The following ATP8B4 variants were observed in gnomAD, a reference collection of about 807,000 sequenced individuals.
ATP8B4 encodes the protein probable phospholipid-transporting ATPase IM.
A neutral mutation model predicts 145.6 loss-of-function variants in ATP8B4; 133 were observed. That is an observed-to-expected ratio of 0.91 (90% CI 0.79 to 1.05). ATP8B4 has a LOEUF of 1.05. Ranked by LOEUF, ATP8B4 falls within the 50% of genes least tolerant of loss-of-function variation. The pLI, the probability that ATP8B4 is intolerant of heterozygous loss-of-function variation, is 0.00. For missense variants in ATP8B4, 1,458 were observed against 1,425.2 expected, an observed-to-expected ratio of 1.02 and a Z score of -0.37; for synonymous variants, 507 against 492.9, an observed-to-expected ratio of 1.03 and a Z score of -0.38.
At chr15:50,021,860 G>C (rs143497473) in intron 6 of ATP8B4, among the ~76,000 whole-genome samples, 154 of 152,284 alleles carry the variant, frequency 1.0e-3, no homozygotes, top group African/African-American at 3.6e-3. Flanking sequence ...AGGAATATTT[G>C]AACAGATTAG....
At chr15:49,937,584 G>A (rs1002208317) in intron 14 of ATP8B4, among the ~76,000 whole-genome samples, 7 of 152,174 alleles carry the variant, frequency 4.6e-5, no homozygotes, top group Admixed American at 1.3e-4. Context: ...CTAGGTGATA[G>A]GGATTCAGAA....
At chr15:49,862,187 G>A in intron 27 of ATP8B4, 58 bp downstream of exon 27, 7 of 1,572,334 alleles carry the variant, frequency 4.5e-6, no homozygotes, top group South Asian at 3.5e-5. Context: ...GGCAGAAAAG[G>A]ACACCATTTC....
chr15:50,180,511 A>G (rs2044830388), intron 1 of ATP8B4, among the ~76,000 whole-genome samples: 1 of 152,108 alleles, frequency 6.6e-6, no homozygotes, highest in African/African-American at 2.4e-5. Flanking sequence ...GAAAAAGTGG[A>G]CCCTTGTGGT....
At chr15:50,020,024 C>T (rs890368198) in intron 6 of ATP8B4, among the ~76,000 whole-genome samples, 1 of 151,838 alleles carries the variant, frequency 6.6e-6, no homozygotes, top group Non-Finnish European at 1.5e-5. Context: ...ATGGCATGAT[C>T]TCTGCTTGCT....
chr15:49,896,755 G>A (rs1367838307), intron 23 of ATP8B4: 3 of 152,214 alleles, frequency 2.0e-5, no homozygotes, highest in South Asian at 2.1e-4. Flanking sequence ...TATAAGAAGC[G>A]ATATAAAAAT....
chr15:50,080,898 T>C (rs1042081196), intron 2 of ATP8B4, among the ~76,000 whole-genome samples: 1 of 151,930 alleles, frequency 6.6e-6, no homozygotes, highest in Non-Finnish European at 1.5e-5. Context: ...CGGATCATGA[T>C]GTCAGGAGAT....
chr15:50,035,630 T>C (rs1260171217), intron 6 of ATP8B4, among the ~76,000 whole-genome samples: 1 of 152,132 alleles, frequency 6.6e-6, no homozygotes, highest in East Asian at 1.9e-4. Context: ...AGTTGCTCAA[T>C]AAACGTGTTG....
intron 2 of ATP8B4, among the ~76,000 whole-genome samples, chr15:50,094,626 G>A (rs1043203535): frequency 4.1e-5 from 6 of 145,238 alleles, no homozygotes; most frequent in East Asian, 2.0e-4. Flanking sequence ...ACACATATAC[G>A]TGTATATATA....
chr15:50,003,498 G>C (rs147727289), intron 7 of ATP8B4, among the ~76,000 whole-genome samples: 3 of 152,032 alleles, frequency 2.0e-5, no homozygotes, highest in Non-Finnish European at 4.4e-5. Flanking sequence ...CATAAAGAAA[G>C]TGATGCCGCT....
intron 25 of ATP8B4, 97 bp downstream of exon 25, chr15:49,876,181 G>T: frequency 6.8e-7 from 1 of 1,476,198 alleles, no homozygotes. Context: ...ATTCCTTTAG[G>T]ATTATTTCCC....
At chr15:50,040,890 G>A (rs2051226969) in intron 5 of ATP8B4, among the ~76,000 whole-genome samples, 1 of 152,180 alleles carries the variant, frequency 6.6e-6, no homozygotes, top group Non-Finnish European at 1.5e-5. Context: ...CATTCATTGT[G>A]TACTCCCTGT....
At position 49,923,395 on chromosome 15, in the gene ATP8B4, G is replaced by A. The variant is rs1280658552; in HGVS notation, c.1742C>T (p.Thr581Met). 51 of 1,611,026 alleles carry A rather than the reference G, an allele frequency of 3.2e-5. No homozygotes were observed. Among genetic ancestry groups the A allele is most frequent in the Middle Eastern group, 1.7e-4 (1 of 6,056 alleles). Residue 581 changes from threonine to methionine, a missense_variant, in exon 17 of 28, where the codon ACG (threonine) becomes ATG (methionine). Thr to Met is a moderately conservative substitution (Grantham distance 81). Transcript: ENST00000284509. The part of the protein sequence containing the change: ...HPSNEVLLSL[T>M]SDHLSEFAGE... The stretch of plus-strand genomic sequence containing the variant: ...GGCACTTACACTGAGGTGGTCTGAC[G>A]TCAAAGACAAAAGGACTTCATTGGA...
intron 3 of ATP8B4, among the ~76,000 whole-genome samples, chr15:50,063,079 T>C (rs1425866551): frequency 1.3e-5 from 2 of 150,074 alleles, no homozygotes; most frequent in East Asian, 3.9e-4. Flanking sequence ...CTATAATAGA[T>C]GTCTTTAAAA....
chr15:49,897,349 A>T lies in ATP8B4; in HGVS notation c.2640T>A (p.Asn880Lys), dbSNP rs751800978. 3 of 1,613,822 alleles carry T rather than the reference A, an allele frequency of 1.9e-6. No homozygotes were observed. Among genetic ancestry groups the T allele is most frequent in the Non-Finnish European group, 1.7e-6 (2 of 1,179,892 alleles). The change falls in exon 23 of 28, where the codon AAT (asparagine) becomes AAA (lysine). Residue 880 changes from asparagine to lysine, a missense_variant. Asn to Lys is a moderately conservative substitution (Grantham distance 94). Transcript: ENST00000284509. ...CKFLCYFFYK[N>K]FAFTLVHFWF... ...AGAAATGCACAAGTGTAAATGCAAA[A>T]TTCTTATAGAAGAAATAGCATAAGA...
Position 49,985,674 on chromosome 15 carries a change from C to T in ATP8B4, c.748+1717G>A, listed in dbSNP as rs537889128. Among the ~76,000 whole-genome samples the T allele has an allele frequency of 3.3e-4, 50 of 152,338 alleles. 1 individual carries two copies. Among genetic ancestry groups the T allele is most frequent in the South Asian group, 2.1e-4 (1 of 4,826 alleles). On this transcript the variant is annotated intron_variant, in intron 10 of 27. Coordinates refer to ENST00000284509, the MANE Select transcript of ATP8B4 (RefSeq NM_024837.4). ...TCACAAAAGAAGAAGGTGTTCCTCT[C>T]TCCCTGCTGCCTGCTGCCAAGGTCC...
At chr15:50,170,798 G>C (rs1159929416) in intron 1 of ATP8B4, among the ~76,000 whole-genome samples, 1 of 152,170 alleles carries the variant, frequency 6.6e-6, no homozygotes, top group African/African-American at 2.4e-5. Context: ...TCAACTATCT[G>C]CTGCTTTCAG....
At chr15:49,861,920 T>C (rs555919933) in intron 27 of ATP8B4, among the ~76,000 whole-genome samples, 22 of 152,324 alleles carry the variant, frequency 1.4e-4, no homozygotes, top group Admixed American at 7.2e-4. Context: ...TCTTTTCCTA[T>C]AGCTTGCCTT....
chr15:50,079,648 C>T (rs2054414067), intron 2 of ATP8B4, among the ~76,000 whole-genome samples: 1 of 152,052 alleles, frequency 6.6e-6, no homozygotes, highest in African/African-American at 2.4e-5. Context: ...TTGTAACAAC[C>T]CTAAGGATAT....
chr15:50,170,499 C>T (rs2044655341), intron 1 of ATP8B4, among the ~76,000 whole-genome samples: 1 of 145,972 alleles, frequency 6.9e-6, no homozygotes, highest in African/African-American at 2.6e-5. Context: ...TACCAAACCC[C>T]CCCCACCCTC....
Sources: allele counts gnomAD v4.1 joint callset (sites outside exome capture counted in the v4.1 genomes callset), GRCh38; gene constraint gnomAD v4.1.1; transcripts MANE v1.5; gene names NCBI Gene and HGNC (gene_info 2026-07-23, HGNC 2026-07-21).